DNAH8: variants seen among roughly 807,000 people sequenced by gnomAD.
The protein encoded by DNAH8 is axonemal beta dynein heavy chain 8.
Under a neutral mutation model 562.1 loss-of-function variants are expected in DNAH8, and 382 were observed. The observed-to-expected ratio is 0.68, with a 90% CI of 0.63 to 0.74. The LOEUF is 0.74. Ranked by LOEUF, DNAH8 falls within the 30% of genes least tolerant of loss-of-function variation. The pLI, the probability that DNAH8 is intolerant of heterozygous loss-of-function variation, is 0.00. For missense variants in DNAH8, 5,203 were observed against 5,620.4 expected (o/e 0.93, Z 2.37); for synonymous variants, 1,881 against 1,919.4 (o/e 0.98, Z 0.52).
intron 24 of DNAH8, among the ~76,000 whole-genome samples, 199 bp from the exon 25 acceptor site, chr6:38,813,855 A>G (rs1305078417): frequency 6.6e-6 from 1 of 152,206 alleles, no homozygotes; most frequent in Non-Finnish European, 1.5e-5. Flanking sequence ...TGAGATTACT[A>G]TTTTACTTCT....
chr6:38,750,089 C>T (rs1447942606), intron 8 of DNAH8, among the ~76,000 whole-genome samples: 1 of 152,216 alleles, frequency 6.6e-6, no homozygotes, highest in East Asian at 1.9e-4. Flanking sequence ...ACCTTGGCTT[C>T]CCAAAGTGCT....
At chr6:38,931,702 A>G in intron 75 of DNAH8, 109 bp from the exon 76 acceptor site, 1 of 602,440 alleles carries the variant, frequency 1.7e-6, no homozygotes, top group Non-Finnish European at 2.8e-6. Context: ...TTCCTTCCCA[A>G]TTTATTGAAG....
chr6:38,915,570 T>C lies in DNAH8; in HGVS notation c.10140+193T>C, dbSNP rs138988716. Among the ~76,000 whole-genome samples, 32 of 152,314 alleles carry C rather than the reference T, an allele frequency of 2.1e-4. No individual in the cohort carries two copies. In the East Asian group the frequency reaches 5.2e-3, roughly 25 times the overall value. On this transcript the variant is annotated intron_variant, in intron 68 of 92. Transcript: ENST00000327475. ...TTTAAAGTCTTCCCCTCTTATATTA[T>C]TTTCATCCCACAAATTGGTCTTCCA...
chr6:38,841,886 T>C (rs1409237401), intron 33 of DNAH8, among the ~76,000 whole-genome samples: 1 of 152,126 alleles, frequency 6.6e-6, no homozygotes, highest in African/African-American at 2.4e-5. Context: ...CCTGGCCACA[T>C]GAGGGAAAAC....
chr6:38,802,408 T>C (rs965923034), intron 21 of DNAH8, among the ~76,000 whole-genome samples: 6 of 152,226 alleles, frequency 3.9e-5, no homozygotes, highest in Admixed American at 1.3e-4. Context: ...TGCATCCAAC[T>C]ACTTTTCTTT....
chr6:38,749,654 CTG>C (rs1318410953), intron 8 of DNAH8, among the ~76,000 whole-genome samples: 2 of 152,086 alleles, frequency 1.3e-5, no homozygotes, highest in East Asian at 3.9e-4. Flanking sequence ...TGAAGGGTTG[CTG>C]TGTGTTCACT....
Position 38,850,291 on chromosome 6 carries a change from A to C in DNAH8, c.5240A>C (p.Lys1747Thr). 6.2e-7 allele frequency: 1 copy of C among 1,613,632 alleles called. No homozygotes were observed. The highest frequency in any genetic ancestry group is 2.2e-5 in the East Asian group (1 of 44,846). ...RFQNIDKSWIKIMQRAHENPN... is the reference protein window; with the variant it reads ...RFQNIDKSWITIMQRAHENPN... ...CAGAATATTGACAAGTCTTGGATAA[A>C]AATAATGCAGCGAGCTCATGAGAAT... The change falls in exon 38 of 93, where the codon AAA (lysine) becomes ACA (threonine). Residue 1747 changes from lysine to threonine, a missense_variant. This residue lies in a region of DNAH8 where 2,176 missense variants were observed against 2,365.1 expected (regional missense o/e 0.92). Coordinates refer to ENST00000327475, the MANE Select transcript of DNAH8 (RefSeq NM_001206927.2).
chr6:38,912,500 AG>A (rs950625692), intron 66 of DNAH8, among the ~76,000 whole-genome samples: 20 of 152,256 alleles, frequency 1.3e-4, no homozygotes, highest in African/African-American at 4.8e-4. Flanking sequence ...TTGGTCACAT[AG>A]CATAACAGCG....
Position 38,770,516 on chromosome 6 carries a change from A to G in DNAH8, c.1721A>G (p.Tyr574Cys), listed in dbSNP as rs1402109106. The part of the protein sequence containing the change: ...GEKSFEVSEM[Y>C]IFGKFEAFCK... ...AAATCTTTTGAGGTTTCAGAAATGT[A>G]TATATTTGGAAAATTTGAAGCTTTT... Residue 574 changes from tyrosine to cysteine, a missense_variant, in exon 12 of 93, where the codon TAT (tyrosine) becomes TGT (cysteine). Physicochemically the swap from Tyr to Cys is radical, Grantham distance 194. Coordinates refer to ENST00000327475, the MANE Select transcript of DNAH8 (RefSeq NM_001206927.2). 5 of 1,604,420 alleles carry G rather than the reference A, an allele frequency of 3.1e-6. No individual in the cohort carries two copies. Among genetic ancestry groups the G allele is most frequent in the African/African-American group, 1.3e-5 (1 of 74,228 alleles).
At chr6:39,013,334 T>C (rs1766353447) in intron 91 of DNAH8, among the ~76,000 whole-genome samples, 1 of 152,226 alleles carries the variant, frequency 6.6e-6, no homozygotes, top group Admixed American at 6.5e-5. Context: ...TGGCTCCATT[T>C]GTAATAAAAT....
chr6:38,813,275 G>C (rs1451603865), intron 24 of DNAH8, among the ~76,000 whole-genome samples: 1 of 152,126 alleles, frequency 6.6e-6, no homozygotes, highest in East Asian at 1.9e-4. Flanking sequence ...GAGGGGTTTT[G>C]TTTGCTTGCT....
At chr6:38,747,413 A>G (rs1765044941) in intron 8 of DNAH8, among the ~76,000 whole-genome samples, 1 of 130,164 alleles carries the variant, frequency 7.7e-6, no homozygotes, top group Non-Finnish European at 1.6e-5. Flanking sequence ...TTGAGGCAAA[A>G]TCTCACTCTG....
chr6:38,836,172 G>A (rs1420997662), intron 32 of DNAH8, among the ~76,000 whole-genome samples: 2 of 152,172 alleles, frequency 1.3e-5, no homozygotes, highest in African/African-American at 4.8e-5. Context: ...TTTGGGGCTT[G>A]TTTGAGCGGA....
intron 12 of DNAH8, among the ~76,000 whole-genome samples, chr6:38,771,831 A>C (rs1767604177): frequency 6.6e-6 from 1 of 152,162 alleles, no homozygotes. Context: ...GGCTATTATG[A>C]ATAATGTTGC....
chr6:38,999,818 T>C (rs1765361293), intron 88 of DNAH8, among the ~76,000 whole-genome samples: 1 of 151,410 alleles, frequency 6.6e-6, no homozygotes, highest in African/African-American at 2.4e-5. Flanking sequence ...TTTATTATTA[T>C]ATTGTATTGT....
At chr6:38,861,825 C>A (rs1776648154) in intron 43 of DNAH8, among the ~76,000 whole-genome samples, 1 of 152,202 alleles carries the variant, frequency 6.6e-6, no homozygotes, top group Non-Finnish European at 1.5e-5. Flanking sequence ...AGCCACCATG[C>A]CCAGCCTTAC....
At chr6:38,758,347 A>G (rs1766140017) in intron 10 of DNAH8, among the ~76,000 whole-genome samples, 1 of 151,758 alleles carries the variant, frequency 6.6e-6, no homozygotes, top group Non-Finnish European at 1.5e-5. Context: ...ATTGGTGTAT[A>G]AGAATGCTTG....
chr6:38,772,405 T>C (rs897820995), intron 12 of DNAH8, among the ~76,000 whole-genome samples: 1 of 152,194 alleles, frequency 6.6e-6, no homozygotes, highest in Non-Finnish European at 1.5e-5. Flanking sequence ...CTACTGGGTA[T>C]GAAGTGGTAT....
rs1479549689 is a variant in DNAH8 at position 38,743,009 on chromosome 6, T to G, written c.1293+1122T>G. 4.5e-3 allele frequency among the ~76,000 whole-genome samples: 39 copies of G among 8,646 alleles called. 1 individual carries two copies. Among genetic ancestry groups the G allele is most frequent in the South Asian group, 7.4e-3 (3 of 408 alleles). 5.7% of individuals were successfully genotyped at this position (8,646 alleles called of 152,430 possible). ...TCCAAAAAAATGTTGTTGTTGTGCT[T>G]TTTTTTTTTTTTTTTTTTTTTTTTT... On this transcript the variant is annotated intron_variant, in intron 8 of 92. Transcript: ENST00000327475.
Sources: allele counts gnomAD v4.1 joint callset (sites outside exome capture counted in the v4.1 genomes callset), GRCh38; gene constraint gnomAD v4.1.1; regional missense constraint gnomAD v4.1.1; transcripts MANE v1.5; gene names NCBI Gene and HGNC (gene_info 2026-07-23, HGNC 2026-07-21).